SCN4A: variants seen among roughly 807,000 people sequenced by gnomAD.
The protein encoded by SCN4A is sodium voltage-gated channel alpha subunit 4.
A neutral mutation model predicts 162.0 loss-of-function variants in SCN4A; 83 were observed. That is an observed-to-expected ratio of 0.51 (90% CI 0.43 to 0.61). The LOEUF (loss-of-function observed/expected upper bound fraction) is 0.61, where lower values mean the gene tolerates loss of function less well. Ranked by LOEUF, SCN4A falls within the 20% of genes least tolerant of loss-of-function variation. The pLI is 0.00. For missense variants in SCN4A, 2,196 were observed against 2,462.5 expected (o/e 0.89, Z 2.29); for synonymous variants, 944 against 985.1 (o/e 0.96, Z 0.78).
rs1909381704 is a variant in SCN4A, at chr17:63,964,686, G to GGA, written c.1243-11_1243-10dup. On this transcript the variant is annotated splice_polypyrimidine_tract_variant and intron_variant, in intron 8 of 23. Coordinates refer to ENST00000435607, the MANE Select transcript of SCN4A (RefSeq NM_000334.4). ...CCAGCTGCTCGAAGGGTCTGGGAGTGGAGGGAGAGGGAGTGGAGGGGTCCC... is the reference window on the plus strand; with the variant it reads ...CCAGCTGCTCGAAGGGTCTGGGAGTGGAGAGGGAGAGGGAGTGGAGGGGTCCC... 1.3e-6 allele frequency: 2 copies of GGA among 1,594,270 alleles called. No individual in the cohort carries two copies. The highest frequency in any genetic ancestry group is 1.7e-6 in the Non-Finnish European group (2 of 1,170,956).
chr17:63,954,112 C>T (rs577400137), intron 13 of SCN4A, among the ~76,000 whole-genome samples: 2 of 152,206 alleles, frequency 1.3e-5, no homozygotes, highest in African/African-American at 2.4e-5. Flanking sequence ...TGCAGATCCG[C>T]CACCCTTGGC....
rs757372054 is a variant in SCN4A, at chr17:63,941,502, T to C, written c.4780A>G (p.Ile1594Val). 5.6e-6 allele frequency: 9 copies of C among 1,614,020 alleles called. No homozygotes were observed. Among genetic ancestry groups the C allele is most frequent in the Non-Finnish European group, 7.6e-6 (9 of 1,180,040 alleles). ...TTGAAGTTCTCCAGGATGATGGCGA[T>C]GTACATGTTGACCACGATGAGGAAG... Reference protein sequence around the residue: ...ISFLIVVNMYIAIILENFNVA... With the variant: ...ISFLIVVNMYVAIILENFNVA... Residue 1594 changes from isoleucine (I) to valine (V), a missense_variant, in exon 24 of 24, where the codon ATC becomes GTC. By Grantham distance (29) the Ile-to-Val change is conservative. Transcript: ENST00000435607. The surrounding 1 kb of genome is among the most constrained non-coding windows in gnomAD (Gnocchi z 6.2).
At chr17:63,949,976 G>T (rs34684062) in intron 14 of SCN4A, among the ~76,000 whole-genome samples, 1 of 151,960 alleles carries the variant, frequency 6.6e-6, no homozygotes, top group Non-Finnish European at 1.5e-5. Flanking sequence ...CTTCCCACCC[G>T]CAGGGTCTGT....
In SCN4A at chr17:63,972,344, C is replaced by A. The variant is rs1360438498; in HGVS notation, c.392+8G>T. ...CCCCTCCCGCCTCTCCCATCTTGGGCAGGATATGCATGGATGAGCACCTTG... is the reference window on the plus strand; with the variant it reads ...CCCCTCCCGCCTCTCCCATCTTGGGAAGGATATGCATGGATGAGCACCTTG... On this transcript the variant is annotated splice_region_variant and intron_variant, in intron 2 of 23. Transcript: ENST00000435607. This position sits in a 1 kb window ranked among gnomAD's most constrained non-coding sequence, Gnocchi z 4.3. 15 of 1,612,590 alleles carry A rather than the reference C, an allele frequency of 9.3e-6. No individual in the cohort carries two copies. In the South Asian group the frequency reaches 1.6e-4, roughly 18 times the overall value.
chr17:63,945,140 C>T lies in SCN4A; in HGVS notation c.3721-80G>A. On this transcript the variant is annotated intron_variant, in intron 19 of 23. Transcript: ENST00000435607. This position sits in a 1 kb window ranked among gnomAD's most constrained non-coding sequence, Gnocchi z 4.4. ...CCATGAGTTTCCCTCCCCCACCCAA[C>T]CTGGTCCTCCCCTGCCAGAGGCCGC... The T allele has an allele frequency of 6.9e-7, 1 of 1,447,586 alleles. No homozygotes were observed. Among genetic ancestry groups the T allele is most frequent in the South Asian group, 1.2e-5 (1 of 83,092 alleles). The allele number at this position is 1,447,586 out of a possible 1,614,324, so 89.7% of individuals were successfully genotyped here. A position where few individuals can be genotyped will look rare whatever the true frequency, so the allele number is the denominator to read the frequency against.
intron 6 of SCN4A, 49 bp from the exon 7 acceptor site, chr17:63,966,593 A>C (rs760872429): frequency 7.0e-7 from 1 of 1,431,932 alleles, no homozygotes; most frequent in Non-Finnish European, 9.8e-7. Flanking sequence ...ACATGGACAC[A>C]GTGTGAGCAC....
At chr17:63,964,142 A>G (rs1909358109) in intron 9 of SCN4A, among the ~76,000 whole-genome samples, 1 of 152,174 alleles carries the variant, frequency 6.6e-6, no homozygotes, top group South Asian at 2.1e-4. Flanking sequence ...TTCCCTCAGT[A>G]TGGACCTATC....
chr17:63,953,694 AAAAAGAAAAAG>A (rs1908986459), intron 13 of SCN4A, among the ~76,000 whole-genome samples: 1 of 151,788 alleles, frequency 6.6e-6, no homozygotes, highest in Non-Finnish European at 1.5e-5. Flanking sequence ...AGAAAAAAAA[AAAAAGAAAAAG>A]AAAAAGAAAG....
chr17:63,955,080 C>A (rs140765989), intron 13 of SCN4A, among the ~76,000 whole-genome samples: 325 of 152,358 alleles, frequency 2.1e-3, no homozygotes, highest in Admixed American at 4.4e-3. Flanking sequence ...CACCATGCTT[C>A]TGCTGATGCT....
Position 63,951,809 on chromosome 17 carries a change from T to G in SCN4A, c.2468A>C (p.Gln823Pro), listed in dbSNP as rs753182664. Residue 823 changes from glutamine to proline, a missense_variant, in exon 14 of 24, where the codon CAG (glutamine) becomes CCG (proline). Coordinates refer to ENST00000435607, the MANE Select transcript of SCN4A (RefSeq NM_000334.4). This position sits in a 1 kb window ranked among gnomAD's most constrained non-coding sequence, Gnocchi z 4.5. ...SDEDGEMNNL[Q>P]IAIGRIKLGI... ...CAACTTGATGCGCCCGATGGCAATC[T>G]GCAGGTTGTTCATCTCGCCATCCTC... 2.7e-5 allele frequency: 43 copies of G among 1,583,366 alleles called. No homozygotes were observed. The highest frequency in any genetic ancestry group is 7.7e-6 in the Non-Finnish European group (9 of 1,165,146).
Position 63,957,265 on chromosome 17 carries a change from A to C in SCN4A, c.2273T>G (p.Leu758Arg). 1 of 1,614,030 alleles carries C rather than the reference A, an allele frequency of 6.2e-7. No homozygotes were observed. Among genetic ancestry groups the C allele is most frequent in the South Asian group, 1.1e-5 (1 of 91,092 alleles). The stretch of plus-strand genomic sequence containing the variant: ...CATGGTCTCGATCCACTCCCCGCAC[A>C]GGATGCGGAAGACGATGAGGAAGGA... ...FHSFLIVFRI[L>R]CGEWIETMWD... The change falls in exon 13 of 24, where the codon CTG (leucine) becomes CGG (arginine). Residue 758 changes from leucine to arginine, a missense_variant. Physicochemically the swap from Leu to Arg is moderately radical, Grantham distance 102. Coordinates refer to ENST00000435607, the MANE Select transcript of SCN4A (RefSeq NM_000334.4).
intron 10 of SCN4A, among the ~76,000 whole-genome samples, chr17:63,962,584 G>A (rs978166199): frequency 7.9e-5 from 12 of 152,168 alleles, no homozygotes; most frequent in African/African-American, 2.4e-4. Context: ...TACAATCAGT[G>A]GCTCCCATTT....
At position 63,941,136 on chromosome 17, in the gene SCN4A, C is replaced by T. The variant is rs760831848; in HGVS notation, c.5146G>A (p.Glu1716Lys). 6 of 1,613,752 alleles carry T rather than the reference C, an allele frequency of 3.7e-6. No individual in the cohort carries two copies. The highest frequency in any genetic ancestry group is 2.7e-5 in the African/African-American group (2 of 74,866). The change falls in exon 24 of 24, where the codon GAG becomes AAG. Residue 1716 changes from glutamate (E) to lysine (K), a missense_variant. Transcript: ENST00000435607. The surrounding 1 kb of genome is among the most constrained non-coding windows in gnomAD (Gnocchi z 6.2). ...MAANPSKVSYEPITTTLKRKH... is the reference protein window; with the variant it reads ...MAANPSKVSYKPITTTLKRKH... ...CTCTTGAGGGTGGTGGTGATGGGCT[C>T]GTAGGACACCTTGGAGGGGTTGGCT...
chr17:63,948,781 G>T lies in SCN4A; in HGVS notation c.2990-16C>A, dbSNP rs542216962. On this transcript the variant is annotated splice_polypyrimidine_tract_variant and intron_variant, in intron 15 of 23. Transcript: ENST00000435607. ...TGCACGCAGGCTGATGGGGTGAGGG[G>T]GGACAGGGACAGGCACCACATCATG... 1 of 1,584,448 alleles carries T rather than the reference G, an allele frequency of 6.3e-7. No individual in the cohort carries two copies. Among genetic ancestry groups the T allele is most frequent in the Admixed American group, 1.7e-5 (1 of 59,162 alleles).
intron 4 of SCN4A, 114 bp downstream of exon 4, chr17:63,971,608 G>T: frequency 1.0e-6 from 1 of 964,646 alleles, no homozygotes; most frequent in East Asian, 2.6e-5. Flanking sequence ...CTCCCCATCT[G>T]CACAACTGAC....
chr17:63,957,731 C>G (rs554562285), intron 12 of SCN4A, among the ~76,000 whole-genome samples: 19 of 152,242 alleles, frequency 1.2e-4, no homozygotes, highest in Middle Eastern at 3.4e-3. Context: ...AGGCCAGGCG[C>G]GGTGGCTCAC....
At chr17:63,952,947 G>GA (rs1220163768) in intron 13 of SCN4A, among the ~76,000 whole-genome samples, 1 of 152,176 alleles carries the variant, frequency 6.6e-6, no homozygotes. Context: ...GCAGGGCTCT[G>GA]AACCCCAGTT....
At chr17:63,969,267 T>C (rs760927318) in intron 5 of SCN4A, among the ~76,000 whole-genome samples, 35 of 152,222 alleles carry the variant, frequency 2.3e-4, no homozygotes, top group Non-Finnish European at 3.4e-4. Context: ...AACATCATTA[T>C]ATTCTTTAGA....
chr17:63,966,016 G>A, intron 8 of SCN4A, 86 bp downstream of exon 8: 2 of 1,037,208 alleles, frequency 1.9e-6, no homozygotes, highest in Non-Finnish European at 2.9e-6. Context: ...GCCATCCTGT[G>A]GTAGGCCCCA....
Sources: gnomAD v4.1 joint callset for allele counts (sites outside exome capture counted in the v4.1 genomes callset) on GRCh38, gnomAD v4.1.1 for gene constraint, Gnocchi (gnomAD v3.1) non-coding constraint, MANE v1.5 for transcripts, NCBI Gene and HGNC (gene_info 2026-07-23, HGNC 2026-07-21) for gene names.